PRR5L: variants seen among roughly 807,000 people sequenced by gnomAD.
PRR5L encodes the protein proline rich 5 like, also known as proline-rich protein 5-like.
A neutral mutation model predicts 36.4 loss-of-function variants in PRR5L; 21 were observed. The observed-to-expected ratio is 0.58, with a 90% confidence interval of 0.41 to 0.83. The LOEUF (loss-of-function observed/expected upper bound fraction) is 0.83, where lower values mean the gene tolerates loss of function less well. PRR5L is among the 40% of genes least tolerant of loss of function. The pLI, the probability that PRR5L is intolerant of heterozygous loss-of-function variation, is 0.00. For synonymous variants in PRR5L, 188 were observed against 197.0 expected, an observed-to-expected ratio of 0.95 and a Z score of 0.38; for missense variants, 381 against 473.3, an observed-to-expected ratio of 0.80 and a Z score of 1.81.
intron 1 of PRR5L, among the ~76,000 whole-genome samples, chr11:36,326,424 A>G (rs1012904730): frequency 2.2e-4 from 27 of 125,508 alleles, no homozygotes; most frequent in African/African-American, 9.2e-4. Flanking sequence ...CCCAATACAC[A>G]TTCAATTTTC....
intron 1 of PRR5L, among the ~76,000 whole-genome samples, chr11:36,335,534 C>G (rs1337448072): frequency 6.6e-6 from 1 of 152,106 alleles, no homozygotes. Context: ...AGGGTAGAAA[C>G]AGGACTGGTG....
rs1447476472 is a variant in PRR5L at position 36,451,445 on chromosome 11, C to A, written c.712+110C>A. 4.4e-6 allele frequency: 6 copies of A among 1,348,770 alleles called. No individual in the cohort carries two copies. In the East Asian group the frequency reaches 1.4e-4, roughly 32 times the overall value. 83.6% of individuals were successfully genotyped at this position (1,348,770 alleles called of 1,614,324 possible). A position where few individuals can be genotyped will look rare whatever the true frequency, so the allele number is the denominator to read the frequency against. On this transcript the variant is annotated intron_variant, in intron 8 of 8. Transcript: ENST00000530639. ...CTGATACCAGCACTGTTTAACTGAGCACAGCCTTTTGCTTCCTGTGCGGGT... is the reference window on the plus strand; with the variant it reads ...CTGATACCAGCACTGTTTAACTGAGAACAGCCTTTTGCTTCCTGTGCGGGT...
chr11:36,340,561 GA>G (rs1856808269), intron 1 of PRR5L, among the ~76,000 whole-genome samples: 1 of 152,190 alleles, frequency 6.6e-6, no homozygotes, highest in Non-Finnish European at 1.5e-5. Flanking sequence ...GCAGATGAGG[GA>G]ACTGGGGCCA....
At position 36,374,047 on chromosome 11, in the gene PRR5L, CTCCTTCCTTCCTTCCTTCCT is replaced by C. The variant is rs59668248; in HGVS notation, c.-125-26909_-125-26890del. Among the ~76,000 whole-genome samples, 151 of 117,830 alleles carry C rather than the reference CTCCTTCCTTCCTTCCTTCCT, an allele frequency of 1.3e-3. 1 individual carries two copies. The highest frequency in any genetic ancestry group is 3.0e-3 in the African/African-American group (95 of 31,326). The allele number at this position is 117,830 out of a possible 152,430, so 77.3% of individuals were successfully genotyped here. On this transcript the variant is annotated intron_variant, in intron 1 of 8. Transcript: ENST00000530639. Reference sequence around the variant, plus strand: ...GTAAAAGACAGATAATAATTTTTTCCTCCTTCCTTCCTTCCTTCCTTCCTTCCTTCCTTCCTTCCTTCCTT... The same window carrying C: ...GTAAAAGACAGATAATAATTTTTTCCTCCTTCCTTCCTTCCTTCCTTCCTT...
chr11:36,303,217 G>A (rs1856395636), intron 1 of PRR5L, among the ~76,000 whole-genome samples: 2 of 152,204 alleles, frequency 1.3e-5, no homozygotes, highest in Admixed American at 1.3e-4. Context: ...TAACAGTGGT[G>A]ATGGAGAGAA....
intron 1 of PRR5L, among the ~76,000 whole-genome samples, chr11:36,386,035 C>G (rs35591996): frequency 1.3e-5 from 2 of 152,140 alleles, no homozygotes; most frequent in African/African-American, 4.8e-5. Flanking sequence ...GTGGCTCACA[C>G]CTGTAATCCC....
chr11:36,383,727 G>C (rs577579454), intron 1 of PRR5L, among the ~76,000 whole-genome samples: 1 of 128,786 alleles, frequency 7.8e-6, no homozygotes, highest in Admixed American at 9.9e-5. Flanking sequence ...ATGGAGTCTC[G>C]CTCTGTCACC....
chr11:36,341,550 C>G (rs1048391860), intron 1 of PRR5L, among the ~76,000 whole-genome samples: 1 of 152,152 alleles, frequency 6.6e-6, no homozygotes, highest in African/African-American at 2.4e-5. Context: ...ATGGGACATG[C>G]CGTCACAGTA....
intron 1 of PRR5L, among the ~76,000 whole-genome samples, chr11:36,319,537 G>A (rs1856592091): frequency 6.6e-6 from 1 of 152,136 alleles, no homozygotes; most frequent in African/African-American, 2.4e-5. Context: ...TCTACCATTG[G>A]AGTACAAAAG....
At chr11:36,331,347 A>G (rs1856716826) in intron 1 of PRR5L, among the ~76,000 whole-genome samples, 2 of 152,224 alleles carry the variant, frequency 1.3e-5, no homozygotes, top group South Asian at 4.1e-4. Context: ...TGAAGTTAAG[A>G]AGAATTCATT....
At chr11:36,356,812 C>T (rs764716619) in intron 1 of PRR5L, among the ~76,000 whole-genome samples, 4 of 152,128 alleles carry the variant, frequency 2.6e-5, no homozygotes, top group African/African-American at 9.7e-5. Context: ...TCTCCTGGGG[C>T]CTTGGTATTT....
At chr11:36,400,894 G>A (rs1166297090) in intron 1 of PRR5L, 103 bp from the exon 2 acceptor site, 13 of 878,752 alleles carry the variant, frequency 1.5e-5, no homozygotes, top group East Asian at 3.1e-5. Flanking sequence ...GCTGGGTCCC[G>A]CAGTTGTTTT....
intron 1 of PRR5L, among the ~76,000 whole-genome samples, chr11:36,346,956 T>C (rs1856872384): frequency 1.3e-5 from 2 of 152,226 alleles, no homozygotes; most frequent in Admixed American, 6.5e-5. Context: ...AGAATAGGCG[T>C]GGCTGTGTTC....
chr11:36,381,930 G>C (rs1257850695), intron 1 of PRR5L, among the ~76,000 whole-genome samples: 1 of 151,986 alleles, frequency 6.6e-6, no homozygotes, highest in African/African-American at 2.4e-5. Flanking sequence ...AGGCCGAGGC[G>C]GGTGGATCAT....
At chr11:36,402,715 C>T (rs972752228) in intron 2 of PRR5L, among the ~76,000 whole-genome samples, 2 of 152,222 alleles carry the variant, frequency 1.3e-5, no homozygotes, top group Non-Finnish European at 2.9e-5. Flanking sequence ...AAACACTGGG[C>T]TGTCGTCCCA....
chr11:36,460,474 T>TTCTGTAGTATC (rs916923672), intron 8 of PRR5L, among the ~76,000 whole-genome samples: 3 of 152,028 alleles, frequency 2.0e-5, no homozygotes, highest in Non-Finnish European at 4.4e-5. Flanking sequence ...AGTTGTGGGG[T>TTCTGTAGTATC]TCTGTAGTAT....
At chr11:36,327,111 A>C (rs1404554586) in intron 1 of PRR5L, among the ~76,000 whole-genome samples, 1 of 152,220 alleles carries the variant, frequency 6.6e-6, no homozygotes, top group East Asian at 1.9e-4. Context: ...TTTCATTTAC[A>C]CTGTGAGGAG....
chr11:36,459,979 C>T (rs549875396), intron 8 of PRR5L, among the ~76,000 whole-genome samples: 9 of 152,182 alleles, frequency 5.9e-5, no homozygotes, highest in South Asian at 2.1e-4. Context: ...ATTTTAAAGA[C>T]GTATCAATAA....
chr11:36,424,365 C>G (rs1858335090), intron 4 of PRR5L, among the ~76,000 whole-genome samples: 1 of 152,098 alleles, frequency 6.6e-6, no homozygotes, highest in South Asian at 2.1e-4. Context: ...GTATTCTACA[C>G]AAGTATGTAT....
Sources: allele counts gnomAD v4.1 joint callset (sites outside exome capture counted in the v4.1 genomes callset), GRCh38; gene constraint gnomAD v4.1.1; transcripts MANE v1.5; gene names NCBI Gene and HGNC (gene_info 2026-07-23, HGNC 2026-07-21).